The following KIAA1217 variants were observed in gnomAD, a reference collection of about 807,000 sequenced individuals.
The protein encoded by KIAA1217 is sickle tail protein homolog.
In KIAA1217, 88 loss-of-function variants were observed where a neutral mutation model predicts 163.9. The ratio of observed to expected loss-of-function variants is 0.54; its 90% confidence interval spans 0.45 to 0.64. KIAA1217 has a LOEUF of 0.64. KIAA1217 is among the 30% of genes least tolerant of loss of function. The pLI, the probability that KIAA1217 is intolerant of heterozygous loss-of-function variation, is 0.00. For missense variants in KIAA1217, 2,372 were observed against 2,475.0 expected, an observed-to-expected ratio of 0.96 and a Z score of 0.88; for synonymous variants, 903 against 923.1, an observed-to-expected ratio of 0.98 and a Z score of 0.39.
At chr10:23,986,469 A>C (rs1273559092) in intron 1 of KIAA1217, among the ~76,000 whole-genome samples, 1 of 152,222 alleles carries the variant, frequency 6.6e-6, no homozygotes, top group Non-Finnish European at 1.5e-5. Context: ...GTATACTTTA[A>C]ATTATCTCTA....
chr10:24,409,997 C>CTTTTTTTTTT (rs71397947), intron 3 of KIAA1217, among the ~76,000 whole-genome samples: 3 of 123,862 alleles, frequency 2.4e-5, no homozygotes, highest in Non-Finnish European at 3.3e-5. Context: ...TTTCTTTTTT[C>CTTTTTTTTTT]TTTTTTTTTT....
intron 2 of KIAA1217, among the ~76,000 whole-genome samples, chr10:24,076,967 C>T (rs1264188420): frequency 6.6e-6 from 1 of 151,216 alleles, no homozygotes; most frequent in Admixed American, 6.6e-5. Flanking sequence ...ACTGCCAGCT[C>T]CCAGGTTCAA....
Position 24,426,725 on chromosome 10 carries a change from T to C in KIAA1217, c.554-6270T>C, listed in dbSNP as rs61848139. On this transcript the variant is annotated intron_variant, in intron 3 of 20. Transcript: ENST00000376454. The stretch of plus-strand genomic sequence containing the variant: ...TCCTGATGAGGAAATGATGGAGTAG[T>C]AATGGGGGAAGATTGTTCAGAGGAC... Among the ~76,000 whole-genome samples the C allele has an allele frequency of 8.0e-3, 1,223 of 152,206 alleles. 4 individuals carry two copies. Among genetic ancestry groups the C allele is most frequent in the Non-Finnish European group, 0.013 (852 of 68,010 alleles).
intron 1 of KIAA1217, among the ~76,000 whole-genome samples, chr10:23,944,666 G>A (rs1843932008): frequency 6.6e-6 from 1 of 152,120 alleles, no homozygotes; most frequent in Non-Finnish European, 1.5e-5. Context: ...AACTTAAAAA[G>A]ATTAACAACA....
At chr10:23,806,976 T>A (rs1244586144) in intron 1 of KIAA1217, among the ~76,000 whole-genome samples, 1 of 152,232 alleles carries the variant, frequency 6.6e-6, no homozygotes, top group African/African-American at 2.4e-5. Context: ...GTGAACTATA[T>A]TTCCTTGCTC....
At chr10:23,952,210 A>G (rs777513811) in intron 1 of KIAA1217, among the ~76,000 whole-genome samples, 31 of 152,212 alleles carry the variant, frequency 2.0e-4, no homozygotes, top group Non-Finnish European at 3.8e-4. Flanking sequence ...TTTATTCCGC[A>G]TGATGTCTTT....
intron 1 of KIAA1217, among the ~76,000 whole-genome samples, chr10:23,886,444 G>A (rs575527544): frequency 6.6e-6 from 1 of 152,080 alleles, no homozygotes; most frequent in Non-Finnish European, 1.5e-5. Flanking sequence ...GCATGCTTAG[G>A]AAAAGTGATT....
At chr10:24,128,769 C>G (rs1055383447) in intron 2 of KIAA1217, among the ~76,000 whole-genome samples, 1 of 152,216 alleles carries the variant, frequency 6.6e-6, no homozygotes, top group Non-Finnish European at 1.5e-5. Context: ...CAAGCTTGAA[C>G]TGGGAGCAGG....
intron 1 of KIAA1217, among the ~76,000 whole-genome samples, chr10:23,831,601 A>T (rs1377580233): frequency 6.6e-6 from 1 of 152,120 alleles, no homozygotes; most frequent in Non-Finnish European, 1.5e-5. Flanking sequence ...TAATTGTATT[A>T]GGAATGTAAT....
intron 2 of KIAA1217, among the ~76,000 whole-genome samples, chr10:24,108,043 G>A (rs1332352139): frequency 6.6e-6 from 1 of 152,158 alleles, no homozygotes; most frequent in Non-Finnish European, 1.5e-5. Context: ...CACACAACAA[G>A]CATCAGAGGT....
At chr10:24,483,586 C>G (rs1223900293) in intron 6 of KIAA1217, among the ~76,000 whole-genome samples, 1 of 152,060 alleles carries the variant, frequency 6.6e-6, no homozygotes, top group Non-Finnish European at 1.5e-5. Context: ...TCTTTTGAGT[C>G]CGCCCTAAGA....
At chr10:23,815,159 A>G (rs1399819237) in intron 1 of KIAA1217, among the ~76,000 whole-genome samples, 1 of 152,190 alleles carries the variant, frequency 6.6e-6, no homozygotes, top group Non-Finnish European at 1.5e-5. Flanking sequence ...CAAAAAATGA[A>G]GAACTTAAAA....
intron 2 of KIAA1217, among the ~76,000 whole-genome samples, chr10:24,241,597 G>T (rs1029670812): frequency 6.6e-6 from 1 of 152,136 alleles, no homozygotes; most frequent in Non-Finnish European, 1.5e-5. Context: ...AGGGGCTGTG[G>T]TTGCTACAGG....
intron 1 of KIAA1217, among the ~76,000 whole-genome samples, chr10:23,698,715 G>A (rs562057371): frequency 1.3e-5 from 2 of 152,280 alleles, no homozygotes; most frequent in African/African-American, 2.4e-5. Context: ...GTTGTCGACC[G>A]TAGGCTTAAG....
Position 24,543,211 on chromosome 10 carries a change from C to T in KIAA1217, c.3941C>T (p.Thr1314Met), listed in dbSNP as rs138551230. 4.9e-5 allele frequency: 79 copies of T among 1,613,608 alleles called. No individual in the cohort carries two copies. The African/African-American group carries it at 5.3e-4, about 11-fold the overall frequency. ...GKTKEMEKQNTDKCHVSSHTR... is the reference protein window; with the variant it reads ...GKTKEMEKQNMDKCHVSSHTR... The stretch of plus-strand genomic sequence containing the variant: ...ACAAAGGAGATGGAAAAGCAAAATA[C>T]GGATAAGTGTCACGTTTCCTCTCAC... The change falls in exon 19 of 21, where the codon ACG (threonine) becomes ATG (methionine). Residue 1314 changes from threonine (T) to methionine (M), a missense_variant. Thr to Met is a moderately conservative substitution (Grantham distance 81, BLOSUM62 -1). Transcript: ENST00000376454.
chr10:24,048,736 A>G (rs1849242863), intron 2 of KIAA1217, among the ~76,000 whole-genome samples: 1 of 147,566 alleles, frequency 6.8e-6, no homozygotes, highest in Non-Finnish European at 1.5e-5. Flanking sequence ...TCTCAAAAAA[A>G]AAAAAAAATA....
chr10:24,321,208 A>G (rs1303615993), intron 2 of KIAA1217, among the ~76,000 whole-genome samples: 1 of 152,258 alleles, frequency 6.6e-6, no homozygotes, highest in Admixed American at 6.5e-5. Context: ...AGATATTTGT[A>G]CATCCACGTT....
At chr10:23,742,780 G>A (rs1839189756) in intron 1 of KIAA1217, among the ~76,000 whole-genome samples, 1 of 152,164 alleles carries the variant, frequency 6.6e-6, no homozygotes, top group Non-Finnish European at 1.5e-5. Context: ...TATCCAAACT[G>A]TATCAGGGGT....
rs546665555 is a variant in KIAA1217, at chr10:24,074,407, G to A, written c.-171+67033G>A. ...AAAAAAAAACACCTAACTTTAAAACGTGCTTTTGGTGTTGCAGACATTTTC... is the reference window on the plus strand; with the variant it reads ...AAAAAAAAACACCTAACTTTAAAACATGCTTTTGGTGTTGCAGACATTTTC... On this transcript the variant is annotated intron_variant, in intron 2 of 18. Transcript: ENST00000376462. Among the ~76,000 whole-genome samples, 36 of 152,006 alleles carry A rather than the reference G, an allele frequency of 2.4e-4. No individual in the cohort carries two copies. The South Asian group carries it at 2.5e-3, about 10-fold the overall frequency.
Sources: gnomAD v4.1 joint callset for allele counts (sites outside exome capture counted in the v4.1 genomes callset) on GRCh38, gnomAD v4.1.1 for gene constraint, MANE v1.5 for transcripts, NCBI Gene and HGNC (gene_info 2026-07-23, HGNC 2026-07-21) for gene names.